N4BP2L1: variants seen among roughly 807,000 people sequenced by gnomAD.
The protein encoded by N4BP2L1 is NEDD4 binding protein 2 like 1, also known as NEDD4-binding protein 2-like 1.
N4BP2L1 carries 12 observed loss-of-function variants against 21.2 expected under a neutral mutation model. The observed-to-expected ratio is 0.57, with a 90% CI of 0.36 to 0.92. The LOEUF is 0.92. Ranked by LOEUF, N4BP2L1 falls within the 40% of genes least tolerant of loss-of-function variation. The pLI, the probability that N4BP2L1 is intolerant of heterozygous loss-of-function variation, is 0.01. For missense variants in N4BP2L1, 259 were observed against 310.6 expected (o/e 0.83, Z 1.25); for synonymous variants, 104 against 112.8 (o/e 0.92, Z 0.49).
intron 4 of N4BP2L1, chr13:32,403,639 G>C: frequency 1.9e-6 from 1 of 524,668 alleles, no homozygotes; most frequent in Non-Finnish European, 3.9e-6. Flanking sequence ...TGGGGATATA[G>C]TTAGAAATAT....
chr13:32,407,245 C>T lies in N4BP2L1; in HGVS notation c.396+5G>A, dbSNP rs764838371. The T allele has an allele frequency of 1.2e-6, 2 of 1,613,378 alleles. No homozygotes were observed. The highest frequency in any genetic ancestry group is 1.3e-5 in the African/African-American group (1 of 74,914). Reference sequence around the variant, plus strand: ...CTGAAAATTCAGAATGATACTTCTTCCTACCATGACTGCATAGGGCTTCAT... The same window carrying T: ...CTGAAAATTCAGAATGATACTTCTTTCTACCATGACTGCATAGGGCTTCAT... On this transcript the variant is annotated splice_donor_5th_base_variant and intron_variant, in intron 3 of 4. Transcript: ENST00000380130.
In N4BP2L1 at chr13:32,403,212, A is replaced by G. The variant is rs1417882799; in HGVS notation, c.474-12T>C. 1 of 1,579,210 alleles carries G rather than the reference A, an allele frequency of 6.3e-7. No individual in the cohort carries two copies. Among genetic ancestry groups the G allele is most frequent in the Admixed American group, 1.8e-5 (1 of 54,654 alleles). On this transcript the variant is annotated splice_polypyrimidine_tract_variant and intron_variant, in intron 4 of 4. Transcript: ENST00000380130. ...CATGAATGTTTCTTCTACATGGAAA[A>G]AAAATGCATTTAGTTAAGGCAGGAT...
rs1451160545 is a variant in N4BP2L1, at chr13:32,401,046, C to T, written c.*1896G>A. ...AGAAAAGTTATGTAACCCAGAGCCA[C>T]TTCTCCATAGTGGTCACTCACTTAA... On this transcript the variant is annotated 3_prime_UTR_variant, in exon 5 of 5. Transcript: ENST00000380130. 2.6e-5 allele frequency: 4 copies of T among 152,208 alleles called. No individual in the cohort carries two copies. The highest frequency in any genetic ancestry group is 2.9e-5 in the Non-Finnish European group (2 of 68,040). 9.4% of individuals were successfully genotyped at this position (152,208 alleles called of 1,614,324 possible). A position where few individuals can be genotyped will look rare whatever the true frequency, so the allele number is the denominator to read the frequency against.
At chr13:32,410,699 A>C (rs1394778921) in intron 1 of N4BP2L1, among the ~76,000 whole-genome samples, 1 of 152,236 alleles carries the variant, frequency 6.6e-6, no homozygotes, top group Non-Finnish European at 1.5e-5. Context: ...ATATTTGTGA[A>C]CACTGTACAG....
chr13:32,407,360 C>T, intron 2 of N4BP2L1, 22 bp from the exon 3 acceptor site: 1 of 1,614,074 alleles, frequency 6.2e-7, no homozygotes, highest in Non-Finnish European at 8.5e-7. Context: ...TGTTACATAA[C>T]AGTGAACAAC....
At chr13:32,414,178 G>A (rs560688320) in intron 1 of N4BP2L1, among the ~76,000 whole-genome samples, 13 of 152,204 alleles carry the variant, frequency 8.5e-5, no homozygotes, top group South Asian at 8.3e-4. Context: ...CACTGTGCCC[G>A]GCCTAACCAA....
intron 1 of N4BP2L1, among the ~76,000 whole-genome samples, chr13:32,427,085 C>A (rs1272113214): frequency 6.6e-6 from 1 of 152,160 alleles, no homozygotes; most frequent in Non-Finnish European, 1.5e-5. Flanking sequence ...AGCGGTGGGG[C>A]CTAGCAAGGT....
At chr13:32,406,763 C>T (rs2073537184) in intron 3 of N4BP2L1, 1 of 155,176 alleles carries the variant, frequency 6.4e-6, no homozygotes, top group African/African-American at 2.4e-5. Flanking sequence ...AGCCACCACA[C>T]CTGGCCCTAA....
chr13:32,420,038 G>A (rs1245416436), intron 1 of N4BP2L1, among the ~76,000 whole-genome samples: 17 of 152,154 alleles, frequency 1.1e-4, no homozygotes, highest in Non-Finnish European at 5.9e-5. Context: ...TGTCCTTGGA[G>A]AGCCAAGCCT....
At position 32,401,854 on chromosome 13, in the gene N4BP2L1, C is replaced by A. The variant is rs936508375; in HGVS notation, c.*1088G>T. On this transcript the variant is annotated 3_prime_UTR_variant, in exon 5 of 5. Transcript: ENST00000380130. ...GGCCAACAAGAAATAGAGCATACGT[C>A]CTCTGTGGTCTTGTCTATCATGATC... The A allele has an allele frequency of 3.5e-6, 3 of 868,154 alleles. No individual in the cohort carries two copies. In the East Asian group the frequency reaches 3.6e-4, roughly 105 times the overall value. The allele number at this position is 868,154 out of a possible 1,614,324, so 53.8% of individuals were successfully genotyped here.
Position 32,427,873 on chromosome 13 carries a change from C to T in N4BP2L1, c.179+31G>A, listed in dbSNP as rs780427827. 1.2e-4 allele frequency: 170 copies of T among 1,404,830 alleles called. 1 individual carries two copies. Among genetic ancestry groups the T allele is most frequent in the South Asian group, 9.4e-4 (63 of 67,136 alleles). 87.0% of individuals were successfully genotyped at this position (1,404,830 alleles called of 1,614,324 possible). ...CCGGGGCGTTTGGTGGCCCCGGGCC[C>T]GTGCACCGGCGCCCAGACCGCTGTC... is the stretch of plus-strand genomic sequence containing the variant. On this transcript the variant is annotated intron_variant, in intron 1 of 4. Transcript: ENST00000380130.
Position 32,418,505 on chromosome 13 carries a change from G to T in N4BP2L1, c.179+9399C>A, listed in dbSNP as rs553560723. Among the ~76,000 whole-genome samples the T allele has an allele frequency of 7.1e-4, 108 of 152,336 alleles. 2 individuals carry two copies. Among genetic ancestry groups the T allele is most frequent in the Middle Eastern group, 6.8e-3 (2 of 294 alleles). On this transcript the variant is annotated intron_variant, in intron 1 of 4. Coordinates refer to ENST00000380130, the MANE Select transcript of N4BP2L1 (RefSeq NM_052818.3). ...GTGCAGTGCAGATGGGAAATGTGGG[G>T]TCAAAGCCCCCACACAGAGGCTCCA... is the stretch of plus-strand genomic sequence containing the variant.
chr13:32,412,295 T>C (rs1205554625), intron 1 of N4BP2L1, among the ~76,000 whole-genome samples: 1 of 152,142 alleles, frequency 6.6e-6, no homozygotes, highest in Non-Finnish European at 1.5e-5. Context: ...TGCCTTAGTT[T>C]ATGTCTCTCC....
Position 32,406,874 on chromosome 13 carries a change from T to C in N4BP2L1, c.396+376A>G, listed in dbSNP as rs2073543949. 1.4e-5 allele frequency: 3 copies of C among 220,644 alleles called. No homozygotes were observed. The South Asian group carries it at 2.1e-4, about 15-fold the overall frequency. 13.7% of individuals were successfully genotyped at this position (220,644 alleles called of 1,614,324 possible). The stretch of plus-strand genomic sequence containing the variant: ...GCTCACCAGAGGCAGAACCGTCCTG[T>C]TGTGACCTGTAGCTCCACTACGAGC... On this transcript the variant is annotated intron_variant, in intron 3 of 4. Transcript: ENST00000380130.
chr13:32,410,757 TCA>T (rs1290846857), intron 1 of N4BP2L1, among the ~76,000 whole-genome samples: 1 of 152,228 alleles, frequency 6.6e-6, no homozygotes, highest in Non-Finnish European at 1.5e-5. Context: ...AAAGTTGTGT[TCA>T]GAGATTAAAT....
chr13:32,425,133 A>C (rs2074691028), intron 1 of N4BP2L1: 1 of 152,250 alleles, frequency 6.6e-6, no homozygotes, highest in African/African-American at 2.4e-5. Context: ...ACACACAGAT[A>C]ACCTTACAGT....
At chr13:32,405,900 T>C (rs1398784250) in intron 3 of N4BP2L1, among the ~76,000 whole-genome samples, 2 of 127,058 alleles carry the variant, frequency 1.6e-5, no homozygotes, top group African/African-American at 6.2e-5. Context: ...CCCTTTTTTT[T>C]TTTTTTTTTT....
rs71071039 is a variant in N4BP2L1 at position 32,419,412 on chromosome 13, A to ATTTTTTTTTTTTTTTTTTTTTTT, written c.179+8469_179+8491dup. 3.5e-5 allele frequency: 10 copies of ATTTTTTTTTTTTTTTTTTTTTTT among 284,698 alleles called. 1 individual carries two copies. The highest frequency in any genetic ancestry group is 1.1e-4 in the Admixed American group (2 of 18,756). The allele number at this position is 284,698 out of a possible 1,614,324, so 17.6% of individuals were successfully genotyped here. On this transcript the variant is annotated intron_variant, in intron 1 of 4. Transcript: ENST00000380130. Reference sequence around the variant, plus strand: ...GGGTGCTTGCCACCATGCTTGGCTAATTTTTTTTTTTTTTTTTTTTTTTTT... The same window carrying ATTTTTTTTTTTTTTTTTTTTTTT: ...GGGTGCTTGCCACCATGCTTGGCTAATTTTTTTTTTTTTTTTTTTTTTTTTTTTTTTTTTTTTTTTTTTTTTTT...
rs2073157370 is a variant in N4BP2L1 at position 32,402,052 on chromosome 13, A to G, written c.*890T>C. On this transcript the variant is annotated 3_prime_UTR_variant, in exon 5 of 5. Coordinates refer to ENST00000380130, the MANE Select transcript of N4BP2L1 (RefSeq NM_052818.3). ...TTTTATATATCCCTGTATGACCTAT[A>G]TCCTGGGGTGCCTAATTTCTTGCAC... 1.0e-6 allele frequency: 1 copy of G among 985,324 alleles called. No homozygotes were observed. The highest frequency in any genetic ancestry group is 1.7e-5 in the African/African-American group (1 of 57,250). 61.0% of individuals were successfully genotyped at this position (985,324 alleles called of 1,614,324 possible). A position where few individuals can be genotyped will look rare whatever the true frequency, so the allele number is the denominator to read the frequency against.
Sources: gnomAD v4.1 joint callset for allele counts (sites outside exome capture counted in the v4.1 genomes callset) on GRCh38, gnomAD v4.1.1 for gene constraint, MANE v1.5 for transcripts, NCBI Gene and HGNC (gene_info 2026-07-23, HGNC 2026-07-21) for gene names.